Variants in ADCY10 observed in about 807,000 individuals in gnomAD.
ADCY10 encodes adenylate cyclase type 10.
A neutral mutation model predicts 183.3 loss-of-function variants in ADCY10; 156 were observed. The ratio of observed to expected loss-of-function variants is 0.85; its 90% CI spans 0.75 to 0.97. ADCY10 has a LOEUF of 0.97. ADCY10 is among the 50% of genes least tolerant of loss of function. The probability of loss-of-function intolerance (pLI) is 0.00; values close to 1 mark genes in which losing one functional copy is unlikely to be tolerated. For missense variants in ADCY10, 1,745 were observed against 1,934.3 expected (o/e 0.90, Z 1.84); for synonymous variants, 645 against 670.0 (o/e 0.96, Z 0.58).
At chr1:167,827,259 C>T (rs1663364848) in intron 26 of ADCY10, among the ~76,000 whole-genome samples, 1 of 151,762 alleles carries the variant, frequency 6.6e-6, no homozygotes, top group African/African-American at 2.4e-5. Context: ...GCTCCACCTC[C>T]TGGGTTCACA....
intron 6 of ADCY10, 21 bp downstream of exon 6, chr1:167,899,402 A>G (rs1284223356): frequency 1.2e-6 from 2 of 1,612,908 alleles, no homozygotes; most frequent in Non-Finnish European, 1.7e-6. Context: ...AACTTTCTGT[A>G]AGTAGCAGCA....
intron 18 of ADCY10, among the ~76,000 whole-genome samples, chr1:167,849,986 G>A (rs914009318): frequency 2.6e-5 from 4 of 152,122 alleles, no homozygotes; most frequent in African/African-American, 7.2e-5. Context: ...AGCAGAGCAT[G>A]GAGGGCATTA....
At chr1:167,883,368 C>A in intron 9 of ADCY10, 69 bp downstream of exon 9, 2 of 1,545,664 alleles carry the variant, frequency 1.3e-6, no homozygotes, top group Non-Finnish European at 1.8e-6. Context: ...TCTATTCTCA[C>A]CAATGTGCTT....
At position 167,823,097 on chromosome 1, in the gene ADCY10, C is replaced by A; in HGVS notation, c.4079G>T (p.Gly1360Val). The change falls in exon 29 of 33, where the codon GGG becomes GTG. Residue 1360 changes from glycine (G) to valine (V), a missense_variant. By Grantham distance (109) the Gly-to-Val change is moderately radical (BLOSUM62 -3). Coordinates refer to ENST00000367851, the MANE Select transcript of ADCY10 (RefSeq NM_018417.6). ...TGTTACAGAAAGCTCCCACAGCCGC[C>A]CCAGCACCTGGATCAATTGCGGGTA... is the stretch of plus-strand genomic sequence containing the variant. ...SRYPQLIQVLGRLWELSVTQE... is the reference protein window; with the variant it reads ...SRYPQLIQVLVRLWELSVTQE... The A allele has an allele frequency of 6.2e-7, 1 of 1,614,090 alleles. No individual in the cohort carries two copies. Among genetic ancestry groups the A allele is most frequent in the Non-Finnish European group, 8.5e-7 (1 of 1,180,016 alleles).
intron 7 of ADCY10, 112 bp from the exon 8 acceptor site, chr1:167,894,053 T>G: frequency 2.7e-6 from 2 of 751,218 alleles, no homozygotes; most frequent in African/African-American, 1.7e-5. Flanking sequence ...TTCTTGTCCT[T>G]ACAGTTGTCA....
rs775922597 is a variant in ADCY10, at chr1:167,846,282, A to T, written c.2438-19T>A. On this transcript the variant is annotated intron_variant, in intron 19 of 32. Coordinates refer to ENST00000367851, the MANE Select transcript of ADCY10 (RefSeq NM_018417.6). ...GAGATTTCTGCAGGTAGAAGGCCAC[A>T]CAGTAGAAAACTAGTTATTTATCTT... The T allele has an allele frequency of 6.2e-7, 1 of 1,613,898 alleles. No homozygotes were observed. The highest frequency in any genetic ancestry group is 8.5e-7 in the Non-Finnish European group (1 of 1,179,746).
At chr1:167,875,705 C>T (rs1367404116) in intron 12 of ADCY10, among the ~76,000 whole-genome samples, 2 of 152,174 alleles carry the variant, frequency 1.3e-5, no homozygotes, top group African/African-American at 4.8e-5. Context: ...AATCCCAGCC[C>T]TTTGGGAGGC....
intron 31 of ADCY10, among the ~76,000 whole-genome samples, chr1:167,816,273 C>T (rs2187969): frequency 0.2 from 30,294 of 151,986 alleles, 3,635 homozygotes; most frequent in Admixed American, 0.26. Context: ...AGGTCAGGCA[C>T]GGTGGTTCAC....
At chr1:167,913,296 AG>A (rs1670267253) in intron 1 of ADCY10, among the ~76,000 whole-genome samples, 1 of 152,228 alleles carries the variant, frequency 6.6e-6, no homozygotes, top group Admixed American at 6.5e-5. Context: ...AAGAGAAATT[AG>A]GGTTCGATTA....
Position 167,899,544 on chromosome 1 carries a change from TCGTC to T in ADCY10, c.517_520del (p.Asp173MetfsTer11). ...AGCCATGTTCTGGGCAAGGCGCACA[TCGTC>T]CACTGCCTGACCAATCACCAGAAAG... On this transcript the variant is annotated frameshift_variant, in exon 6 of 33. Transcript: ENST00000367851. LOFTEE classifies it high-confidence loss of function. 6.2e-7 allele frequency: 1 copy of T among 1,614,242 alleles called. No individual in the cohort carries two copies. Among genetic ancestry groups the T allele is most frequent in the South Asian group, 1.1e-5 (1 of 91,090 alleles).
intron 8 of ADCY10, among the ~76,000 whole-genome samples, chr1:167,885,069 A>G (rs561788118): frequency 6.6e-6 from 1 of 152,184 alleles, no homozygotes; most frequent in Non-Finnish European, 1.5e-5. Flanking sequence ...GGTTTATTTC[A>G]CTTAATATAA....
chr1:167,898,087 A>G (rs1286496120), intron 6 of ADCY10, among the ~76,000 whole-genome samples: 4 of 150,716 alleles, frequency 2.7e-5, no homozygotes, highest in Admixed American at 6.6e-5. Context: ...AGTGGACCAC[A>G]GTGGGAAAAC....
chr1:167,874,650 A>G (rs75218685), intron 13 of ADCY10, among the ~76,000 whole-genome samples: 2,220 of 152,344 alleles, frequency 0.015, 24 homozygotes, highest in East Asian at 0.075. Context: ...TGCATTCACC[A>G]AAAGACTTGT....
At chr1:167,863,442 G>A (rs1403079111) in intron 14 of ADCY10, among the ~76,000 whole-genome samples, 1 of 152,206 alleles carries the variant, frequency 6.6e-6, no homozygotes, top group Admixed American at 6.5e-5. Flanking sequence ...GCCCTTAAAA[G>A]GGACAGAAGT....
At chr1:167,896,509 C>T in intron 7 of ADCY10, 86 bp downstream of exon 7, 2 of 1,081,432 alleles carry the variant, frequency 1.8e-6, no homozygotes, top group African/African-American at 1.6e-5. Flanking sequence ...GGAGCCCACC[C>T]ACCAGTAATG....
At chr1:167,875,899 G>C (rs1667422577) in intron 12 of ADCY10, among the ~76,000 whole-genome samples, 1 of 152,066 alleles carries the variant, frequency 6.6e-6, no homozygotes, top group Admixed American at 6.5e-5. Context: ...CTTGCAGTGA[G>C]CCGAGATCGC....
chr1:167,867,074 C>T (rs1666753948), intron 14 of ADCY10, among the ~76,000 whole-genome samples: 1 of 152,232 alleles, frequency 6.6e-6, no homozygotes, highest in African/African-American at 2.4e-5. Context: ...AAAATCCCCA[C>T]ATAACCATTG....
intron 4 of ADCY10, 38 bp from the exon 5 acceptor site, chr1:167,901,843 C>T (rs781732572): frequency 6.8e-6 from 11 of 1,613,978 alleles, no homozygotes; most frequent in Admixed American, 3.3e-5. Flanking sequence ...TTGACCTGCC[C>T]TGGGGATCAA....
chr1:167,872,113 G>A (rs7536972), intron 13 of ADCY10, among the ~76,000 whole-genome samples: 27,968 of 152,086 alleles, frequency 0.18, 2,954 homozygotes, highest in Middle Eastern at 0.26. Context: ...AGGCCGAGGC[G>A]GGTGGATCCC....
Sources: gnomAD v4.1 joint callset for allele counts (sites outside exome capture counted in the v4.1 genomes callset) on GRCh38, gnomAD v4.1.1 for gene constraint, MANE v1.5 for transcripts, NCBI Gene and HGNC (gene_info 2026-07-23, HGNC 2026-07-21) for gene names.